Variants in NME7 observed in about 807,000 individuals in gnomAD.
NME7 encodes the protein NME/NM23 family member 7.
Under a neutral mutation model 49.1 loss-of-function variants are expected in NME7, and 41 were observed. The observed-to-expected ratio is 0.83, with a 90% confidence interval of 0.65 to 1.08. The LOEUF is 1.08. Ranked by LOEUF, NME7 falls within the 50% of genes least tolerant of loss-of-function variation. NME7 has a pLI of 0.00. For synonymous variants in NME7, 139 were observed against 150.6 expected (o/e 0.92, Z 0.56); for missense variants, 423 against 463.4 (o/e 0.91, Z 0.80).
At chr1:169,231,713 T>C (rs1647627813) in intron 9 of NME7, among the ~76,000 whole-genome samples, 1 of 151,342 alleles carries the variant, frequency 6.6e-6, no homozygotes, top group Non-Finnish European at 1.5e-5. Flanking sequence ...GGCCTTTTTA[T>C]ATGATATATG....
rs1571346580 is a variant in NME7, at chr1:169,276,237, C to G, written c.754+11066G>C. Among the ~76,000 whole-genome samples the G allele has an allele frequency of 6.0e-5, 8 of 133,018 alleles. 1 individual carries two copies. The South Asian group carries it at 1.6e-3, about 27-fold the overall frequency. The allele number at this position is 133,018 out of a possible 152,430, so 87.3% of individuals were successfully genotyped here. ...AGGGAGGATTCCCTCTTTTTTTATTCAGTGGAATAGTTTCAGAAGGAATGG... is the reference window on the plus strand; with the variant it reads ...AGGGAGGATTCCCTCTTTTTTTATTGAGTGGAATAGTTTCAGAAGGAATGG... On this transcript the variant is annotated intron_variant, in intron 7 of 11. Coordinates refer to ENST00000367811, the MANE Select transcript of NME7 (RefSeq NM_013330.5).
chr1:169,346,408 A>G (rs1366984903), intron 1 of NME7, among the ~76,000 whole-genome samples: 1 of 152,118 alleles, frequency 6.6e-6, no homozygotes, highest in Admixed American at 6.5e-5. Context: ...CCCACCTAAA[A>G]AAGTCTGTCC....
At chr1:169,182,860 G>A (rs1053263587) in intron 10 of NME7, among the ~76,000 whole-genome samples, 1 of 152,088 alleles carries the variant, frequency 6.6e-6, no homozygotes, top group East Asian at 1.9e-4. Context: ...AGGCCTCTTG[G>A]TTACCAATAG....
intron 11 of NME7, among the ~76,000 whole-genome samples, chr1:169,155,338 T>C (rs1450809577): frequency 6.6e-6 from 1 of 152,116 alleles, no homozygotes; most frequent in Non-Finnish European, 1.5e-5. Context: ...AACAAAGCAG[T>C]GATGAAGCAA....
In NME7 at chr1:169,213,685, G is replaced by C. The variant is rs1660893694; in HGVS notation, c.990+17033C>G. 1.3e-5 allele frequency among the ~76,000 whole-genome samples: 2 copies of C among 152,038 alleles called. 1 individual carries two copies. Among genetic ancestry groups the C allele is most frequent in the South Asian group, 4.1e-4 (2 of 4,828 alleles). ...AGAACAAGAACTGAAAAATTTTCCT[G>C]GTCTTTAGCTGGTTGATTGTCCAAA... On this transcript the variant is annotated intron_variant, in intron 10 of 11. Transcript: ENST00000367811.
At chr1:169,230,599 T>C (rs2101818880) in intron 10 of NME7, 119 bp downstream of exon 10, 1 of 472,328 alleles carries the variant, frequency 2.1e-6, no homozygotes. Flanking sequence ...GAATTAAAAC[T>C]TTGTATATTA....
intron 10 of NME7, among the ~76,000 whole-genome samples, chr1:169,181,649 A>G (rs78798217): frequency 0.014 from 2,201 of 152,114 alleles, 47 homozygotes; most frequent in African/African-American, 0.048. Context: ...TTACTGTCCT[A>G]CCTCTTCCCC....
chr1:169,211,332 G>A (rs1660811616), intron 10 of NME7, among the ~76,000 whole-genome samples: 1 of 152,068 alleles, frequency 6.6e-6, no homozygotes, highest in Non-Finnish European at 1.5e-5. Flanking sequence ...GTCATACCTA[G>A]GAGGCTGAGA....
intron 7 of NME7, among the ~76,000 whole-genome samples, chr1:169,272,230 T>C (rs1465116038): frequency 7.5e-6 from 1 of 133,584 alleles, no homozygotes; most frequent in Non-Finnish European, 1.8e-5. Flanking sequence ...GTTATTTTGA[T>C]ATCAACTTTC....
Position 169,324,433 on chromosome 1 carries a change from T to A in NME7, c.71A>T (p.Tyr24Phe). 2 of 1,613,516 alleles carry A rather than the reference T, an allele frequency of 1.2e-6. No homozygotes were observed. Among genetic ancestry groups the A allele is most frequent in the African/African-American group, 1.3e-5 (1 of 75,032 alleles). ...ATCCCCTGGGTAAAATAAAAGCTCA[T>A]AACGTCGAAGAAGTGAAGCATTTGG... Reference protein sequence around the residue: ...YDPNASLLRRYELLFYPGDGS... With the variant: ...YDPNASLLRRFELLFYPGDGS... The change falls in exon 2 of 12, where the codon TAT (tyrosine) becomes TTT (phenylalanine). Residue 24 changes from tyrosine to phenylalanine, a missense_variant. Tyr to Phe is a conservative substitution (Grantham distance 22, BLOSUM62 3). Transcript: ENST00000367811.
chr1:169,168,858 AAG>A (rs1659493840), intron 11 of NME7: 2 of 456,258 alleles, frequency 4.4e-6, no homozygotes, highest in African/African-American at 2.0e-5. Flanking sequence ...AAGTTCACCC[AAG>A]AGTTTTTTCA....
chr1:169,281,547 G>T (rs1650016091), intron 7 of NME7, among the ~76,000 whole-genome samples: 1 of 152,158 alleles, frequency 6.6e-6, no homozygotes, highest in African/African-American at 2.4e-5. Flanking sequence ...CAAAGGGAAT[G>T]CTTCAAGCTT....
chr1:169,193,086 G>A (rs993937924), intron 10 of NME7, among the ~76,000 whole-genome samples: 5 of 152,058 alleles, frequency 3.3e-5, no homozygotes, highest in African/African-American at 1.2e-4. Context: ...TGAGGCAGGA[G>A]GATCACTTAA....
chr1:169,151,209 G>A (rs745921), intron 11 of NME7, among the ~76,000 whole-genome samples: 41,040 of 151,982 alleles, frequency 0.27, 6,129 homozygotes, highest in Non-Finnish European at 0.34. Context: ...GGCAGAGCTG[G>A]TGCTGTATGA....
chr1:169,226,909 A>G (rs1449329662), intron 10 of NME7, among the ~76,000 whole-genome samples: 1 of 152,044 alleles, frequency 6.6e-6, no homozygotes, highest in Non-Finnish European at 1.5e-5. Context: ...AAATGAACCA[A>G]AAAAACACAG....
At chr1:169,303,372 A>G (rs1012424928) in intron 4 of NME7, 177 bp from the exon 5 acceptor site, 34 of 311,336 alleles carry the variant, frequency 1.1e-4, no homozygotes, top group Admixed American at 8.9e-4. Flanking sequence ...TTTTTTAAGT[A>G]TGAGTAATAT....
At chr1:169,332,051 A>G (rs945839702) in intron 1 of NME7, among the ~76,000 whole-genome samples, 1 of 152,174 alleles carries the variant, frequency 6.6e-6, no homozygotes, top group Non-Finnish European at 1.5e-5. Context: ...AAAAAATCAC[A>G]TTAACTGACT....
At chr1:169,318,430 A>T (rs1651733946) in intron 3 of NME7, among the ~76,000 whole-genome samples, 1 of 152,178 alleles carries the variant, frequency 6.6e-6, no homozygotes, top group Admixed American at 6.5e-5. Context: ...GAGATCTATG[A>T]AGGAGACAAG....
intron 7 of NME7, among the ~76,000 whole-genome samples, chr1:169,251,609 T>C (rs1284348016): frequency 1.6e-4 from 24 of 149,968 alleles, no homozygotes; most frequent in Middle Eastern, 6.9e-3. Flanking sequence ...GTGCACATTG[T>C]GCAGGTTAGT....
Sources: allele counts gnomAD v4.1 joint callset (sites outside exome capture counted in the v4.1 genomes callset), GRCh38; gene constraint gnomAD v4.1.1; transcripts MANE v1.5; gene names NCBI Gene and HGNC (gene_info 2026-07-23, HGNC 2026-07-21).